Variants in CCDC170 observed in about 807,000 individuals in gnomAD.
CCDC170 encodes coiled-coil domain containing 170.
Under a neutral mutation model 72.6 loss-of-function variants are expected in CCDC170, and 69 were observed. That is an observed-to-expected ratio of 0.95 (90% CI 0.78 to 1.16). CCDC170 has a LOEUF of 1.16. CCDC170 is among the 50% of genes most tolerant of loss of function. The pLI, the probability that CCDC170 is intolerant of heterozygous loss-of-function variation, is 0.00. For missense variants in CCDC170, 852 were observed against 832.5 expected (o/e 1.02, Z -0.29); for synonymous variants, 300 against 303.9 (o/e 0.99, Z 0.13).
chr6:151,541,515 C>A (rs1782690425), intron 3 of CCDC170, among the ~76,000 whole-genome samples: 1 of 151,994 alleles, frequency 6.6e-6, no homozygotes, highest in Non-Finnish European at 1.5e-5. Context: ...CTGCGCCTGG[C>A]TGGATTTGTA....
chr6:151,528,231 GT>G (rs1782441172), intron 1 of CCDC170, among the ~76,000 whole-genome samples: 1 of 152,062 alleles, frequency 6.6e-6, no homozygotes. Flanking sequence ...AAATGGATGA[GT>G]TTTTATTTAA....
At chr6:151,497,617 G>A (rs1781928376) in intron 1 of CCDC170, among the ~76,000 whole-genome samples, 1 of 152,138 alleles carries the variant, frequency 6.6e-6, no homozygotes, top group Admixed American at 6.5e-5. Flanking sequence ...TGCTTTGGGG[G>A]AAGTTTACAA....
rs1782579183 is a variant in CCDC170, at chr6:151,536,330, C to A, written c.70C>A (p.His24Asn). 6.2e-7 allele frequency: 1 copy of A among 1,613,382 alleles called. No individual in the cohort carries two copies. Among genetic ancestry groups the A allele is most frequent in the African/African-American group, 1.3e-5 (1 of 74,922 alleles). Reference sequence around the variant, plus strand: ...GGAATTCTACCAGGAAACTTACGATCATCTTTCGGAAGTCCCGGTCACGCG... The same window carrying A: ...GGAATTCTACCAGGAAACTTACGATAATCTTTCGGAAGTCCCGGTCACGCG... ...ASPAPEETYD[H>N]LSEVPVTREQ... The change falls in exon 2 of 11, where the codon CAT (histidine) becomes AAT (asparagine). Residue 24 changes from histidine (H) to asparagine (N), a missense_variant. Coordinates refer to ENST00000239374, the MANE Select transcript of CCDC170 (RefSeq NM_025059.4).
chr6:151,599,447 T>G (rs1776671726), intron 9 of CCDC170, among the ~76,000 whole-genome samples: 1 of 152,136 alleles, frequency 6.6e-6, no homozygotes, highest in South Asian at 2.1e-4. Context: ...TGACAGTCAA[T>G]GCAATAATAG....
intron 5 of CCDC170, among the ~76,000 whole-genome samples, chr6:151,563,464 G>A (rs1410179177): frequency 1.3e-5 from 2 of 152,144 alleles, no homozygotes; most frequent in East Asian, 3.9e-4. Flanking sequence ...AAATCTCCAG[G>A]GATGCAGCTG....
chr6:151,503,440 G>GTTTATT (rs777835058), intron 1 of CCDC170, among the ~76,000 whole-genome samples: 4 of 151,942 alleles, frequency 2.6e-5, no homozygotes, highest in South Asian at 4.2e-4. Context: ...AGCTTGATGT[G>GTTTATT]TTTATTTTTA....
chr6:151,517,520 C>A (rs989944779), intron 1 of CCDC170, among the ~76,000 whole-genome samples: 1 of 151,210 alleles, frequency 6.6e-6, no homozygotes, highest in African/African-American at 2.4e-5. Context: ...GCAGCCTCTG[C>A]CTCCTGGGTT....
chr6:151,509,233 T>TCTAA (rs1423350532), intron 1 of CCDC170, among the ~76,000 whole-genome samples: 3 of 151,512 alleles, frequency 2.0e-5, no homozygotes, highest in African/African-American at 7.3e-5. Context: ...TATCTATCTA[T>TCTAA]CTATCTATCT....
Position 151,615,500 on chromosome 6 carries a change from C to A in CCDC170, c.1768C>A (p.Leu590Met). Residue 590 changes from leucine (L) to methionine (M), a missense_variant, in exon 10 of 11, where the codon CTG becomes ATG. Coordinates refer to ENST00000239374, the MANE Select transcript of CCDC170 (RefSeq NM_025059.4). ...IEDLNKSRDQ[L>M]EKMKEKAEKK... ...AGATCTAAACAAATCCAGAGACCAA[C>A]TGGAGAAGATGAAGGAGAAAGCTGA... 2 of 1,614,034 alleles carry A rather than the reference C, an allele frequency of 1.2e-6. No individual in the cohort carries two copies. The highest frequency in any genetic ancestry group is 1.7e-6 in the Non-Finnish European group (2 of 1,179,978).
intron 6 of CCDC170, among the ~76,000 whole-genome samples, chr6:151,583,323 C>G (rs114131253): frequency 1.3e-5 from 2 of 151,686 alleles, no homozygotes; most frequent in Non-Finnish European, 2.9e-5. Context: ...CCTTCAAGAA[C>G]GCTTCCTTTC....
At chr6:151,524,371 G>A (rs1345916085) in intron 1 of CCDC170, among the ~76,000 whole-genome samples, 1 of 152,094 alleles carries the variant, frequency 6.6e-6, no homozygotes, top group East Asian at 1.9e-4. Flanking sequence ...TTCTCCTTTT[G>A]ACTTCTACTT....
chr6:151,559,509 A>G (rs1380167127), intron 5 of CCDC170, among the ~76,000 whole-genome samples: 1 of 152,104 alleles, frequency 6.6e-6, no homozygotes, highest in African/African-American at 2.4e-5. Flanking sequence ...CAGGTAGTTC[A>G]TTGTTAGTGT....
At chr6:151,552,217 A>G (rs1296889090) in intron 5 of CCDC170, among the ~76,000 whole-genome samples, 1 of 152,106 alleles carries the variant, frequency 6.6e-6, no homozygotes, top group African/African-American at 2.4e-5. Flanking sequence ...TATGTATTAT[A>G]TTTCACATTG....
At chr6:151,576,950 C>T (rs991511274) in intron 6 of CCDC170, among the ~76,000 whole-genome samples, 3 of 152,108 alleles carry the variant, frequency 2.0e-5, no homozygotes, top group East Asian at 1.9e-4. Context: ...GCTTCCCGAA[C>T]GTTGCTTGTC....
chr6:151,548,686 ATGT>A, intron 5 of CCDC170, among the ~76,000 whole-genome samples, 197 bp downstream of exon 5: 2 of 151,372 alleles, frequency 1.3e-5, no homozygotes, highest in Non-Finnish European at 2.9e-5. Context: ...TTGGCTATAT[ATGT>A]ACATTTAAAA....
At chr6:151,572,649 G>GTTTTTTTTTTTTTTTTT (rs1213267537) in intron 5 of CCDC170, among the ~76,000 whole-genome samples, 483 of 37,820 alleles carry the variant, frequency 0.013, 44 homozygotes, top group African/African-American at 0.032. Context: ...CCTTCTCTGT[G>GTTTTTTTTTTTTTTTTT]TTTTTTTTTT....
Position 151,621,185 on chromosome 6 carries a change from A to G in CCDC170, c.*3038A>G, listed in dbSNP as rs961547313. On this transcript the variant is annotated 3_prime_UTR_variant, in exon 11 of 11. Coordinates refer to ENST00000239374, the MANE Select transcript of CCDC170 (RefSeq NM_025059.4). ...TAATAAAGCCATTTTCTTCTTTGTTAAAATGCCAGTTGGTTGTTGGATTTC... is the reference window on the plus strand; with the variant it reads ...TAATAAAGCCATTTTCTTCTTTGTTGAAATGCCAGTTGGTTGTTGGATTTC... 3.3e-5 allele frequency: 5 copies of G among 152,244 alleles called. No homozygotes were observed. Among genetic ancestry groups the G allele is most frequent in the African/African-American group, 1.2e-4 (5 of 41,466 alleles). 9.4% of individuals were successfully genotyped at this position (152,244 alleles called of 1,614,324 possible).
At chr6:151,570,177 A>G (rs972632114) in intron 5 of CCDC170, among the ~76,000 whole-genome samples, 1 of 152,128 alleles carries the variant, frequency 6.6e-6, no homozygotes. Flanking sequence ...CTCCAAATTG[A>G]CAGTAACTCC....
chr6:151,571,357 T>C (rs1776216287), intron 5 of CCDC170, among the ~76,000 whole-genome samples: 1 of 151,992 alleles, frequency 6.6e-6, no homozygotes, highest in Admixed American at 6.6e-5. Context: ...GTAGCAATAC[T>C]ACAGCCATGC....
Sources: gnomAD v4.1 joint callset for allele counts (sites outside exome capture counted in the v4.1 genomes callset) on GRCh38, gnomAD v4.1.1 for gene constraint, MANE v1.5 for transcripts, NCBI Gene and HGNC (gene_info 2026-07-23, HGNC 2026-07-21) for gene names.